The following SSX7 variants were observed in gnomAD, a reference collection of about 807,000 sequenced individuals.
SSX7 encodes the protein protein SSX7.
Under a neutral mutation model 14.7 loss-of-function variants are expected in SSX7, and 15 were observed. The ratio of observed to expected loss-of-function variants is 1.02; its 90% CI spans 0.68 to 1.58. The LOEUF is 1.58. Ranked by LOEUF, SSX7 falls within the 40% of genes most tolerant of loss-of-function variation. The probability of loss-of-function intolerance (pLI) is 0.00; values close to 1 mark genes in which losing one functional copy is unlikely to be tolerated. For synonymous variants in SSX7, 46 were observed against 50.6 expected (o/e 0.91, Z 0.38); for missense variants, 178 against 146.8 (o/e 1.21, Z -1.10).
chrX:52,654,093 T>C (rs1925523213), intron 1 of SSX7, among the ~76,000 whole-genome samples: 1 of 111,146 alleles, frequency 9.0e-6, no homozygotes, highest in South Asian at 3.8e-4. Flanking sequence ...TTAGAGAGAA[T>C]GTAGGGAGTT....
rs372836998 is a variant in SSX7, at chrX:52,648,443, A to G, written c.331-47T>C. 18 of 1,200,327 alleles carry G rather than the reference A, an allele frequency of 1.5e-5. No homozygotes were observed. In the African/African-American group the frequency reaches 2.5e-4, roughly 16 times the overall value. On this transcript the variant is annotated intron_variant, in intron 5 of 7. Coordinates refer to ENST00000298181, the MANE Select transcript of SSX7 (RefSeq NM_173358.2). ...GATAAACAGAATCAGTGACATTTCT[A>G]TAGTGCTTTAGAGCTTACAAAGCGT...
In SSX7 at chrX:52,644,499, T is replaced by C. The variant is rs1441806422; in HGVS notation, c.*176A>G. Reference sequence around the variant, plus strand: ...CTGTAAGAAAATACAATGGAAACACTAACATCGAACTCTTGTCACACTAAG... The same window carrying C: ...CTGTAAGAAAATACAATGGAAACACCAACATCGAACTCTTGTCACACTAAG... On this transcript the variant is annotated 3_prime_UTR_variant, in exon 8 of 8. Coordinates refer to ENST00000298181, the MANE Select transcript of SSX7 (RefSeq NM_173358.2). 13 of 726,630 alleles carry C rather than the reference T, an allele frequency of 1.8e-5. No individual in the cohort carries two copies. The highest frequency in any genetic ancestry group is 2.5e-5 in the Non-Finnish European group (12 of 489,346). The allele number at this position is 726,630 out of a possible 1,213,427, so 59.9% of individuals were successfully genotyped here. A position where few individuals can be genotyped will look rare whatever the true frequency, so the allele number is the denominator to read the frequency against.
At chrX:52,654,373 T>TTTG (rs1925538102) in intron 1 of SSX7, among the ~76,000 whole-genome samples, 1 of 91,492 alleles carries the variant, frequency 1.1e-5, no homozygotes, top group Admixed American at 1.2e-4. Flanking sequence ...AGTTTTTTTT[T>TTTG]TTTTTTTTTT....
At chrX:52,654,560 A>G (rs1925544583) in intron 1 of SSX7, among the ~76,000 whole-genome samples, 1 of 108,005 alleles carries the variant, frequency 9.3e-6, no homozygotes, top group Non-Finnish European at 1.9e-5. Context: ...TAGAGTTCCC[A>G]GGAAAAATCC....
intron 5 of SSX7, among the ~76,000 whole-genome samples, 153 bp from the exon 6 acceptor site, chrX:52,648,549 G>T (rs1321899292): frequency 2.8e-4 from 31 of 111,984 alleles, no homozygotes; most frequent in African/African-American, 9.1e-4. Flanking sequence ...AACCTGGGAA[G>T]TTAGACGGGA....
chrX:52,653,102 GACA>G, intron 2 of SSX7, 118 bp from the exon 3 acceptor site: 2 of 1,167,994 alleles, frequency 1.7e-6, no homozygotes, highest in Non-Finnish European at 2.3e-6. Context: ...ATGGCTAACC[GACA>G]ACATGAGCGA....
chrX:52,649,763 G>T (rs1261761152), intron 5 of SSX7, among the ~76,000 whole-genome samples: 3 of 112,553 alleles, frequency 2.7e-5, no homozygotes, highest in Admixed American at 9.4e-5. Flanking sequence ...GGAAGCACCA[G>T]CAGGCCCTAT....
chrX:52,653,111 A>G lies in SSX7; in HGVS notation c.70-127T>C. The G allele has an allele frequency of 1.7e-6, 2 of 1,169,870 alleles. 1 individual carries two copies. The highest frequency in any genetic ancestry group is 3.9e-5 in the South Asian group (2 of 51,107). On this transcript the variant is annotated intron_variant, in intron 2 of 7. Coordinates refer to ENST00000298181, the MANE Select transcript of SSX7 (RefSeq NM_173358.2). ...GATGCCATGGCTAACCGACAACATGAGCGACCTTTCCTAGCTTCACCCCTG... is the reference window on the plus strand; with the variant it reads ...GATGCCATGGCTAACCGACAACATGGGCGACCTTTCCTAGCTTCACCCCTG...
intron 1 of SSX7, among the ~76,000 whole-genome samples, chrX:52,654,364 G>GTTTTGTTTT (rs1556767485): frequency 4.9e-5 from 3 of 60,926 alleles, no homozygotes; most frequent in Non-Finnish European, 2.8e-5. Flanking sequence ...ATTTGAGTGA[G>GTTTTGTTTT]TTTTTTTTTT....
chrX:52,652,778 G>A, intron 3 of SSX7, 92 bp downstream of exon 3: 1 of 858,281 alleles, frequency 1.2e-6, no homozygotes, highest in Non-Finnish European at 1.7e-6. Context: ...AGGAAAATGT[G>A]GGGTACTTTC....
At chrX:52,654,301 C>T (rs1925531773) in intron 1 of SSX7, among the ~76,000 whole-genome samples, 1 of 109,392 alleles carries the variant, frequency 9.1e-6, no homozygotes, top group African/African-American at 3.3e-5. Context: ...GAGTGGTGTG[C>T]ACCTCTAGTC....
rs782562552 is a variant in SSX7 at position 52,650,396 on chromosome X, C to A, written c.287G>T (p.Arg96Leu). Residue 96 changes from arginine (R) to leucine (L), a missense_variant, in exon 5 of 8, where the codon CGT becomes CTT. Transcript: ENST00000298181. The stretch of plus-strand genomic sequence containing the variant: ...GAGCCTGCAAAAAGTCATCTGAGGA[C>A]GTTCAACTGAAAGAGAATATATCAG... ...NDRNQGNQVERPQMTFCRLQR... is the reference protein window; with the variant it reads ...NDRNQGNQVELPQMTFCRLQR... The A allele has an allele frequency of 8.3e-7, 1 of 1,209,260 alleles. No homozygotes were observed. The highest frequency in any genetic ancestry group is 3.0e-5 in the East Asian group (1 of 33,809).
intron 6 of SSX7, 55 bp downstream of exon 6, chrX:52,648,206 A>G: frequency 8.4e-7 from 1 of 1,189,316 alleles, no homozygotes. Context: ...CAGTCCACAC[A>G]CCTGAACATA....
chrX:52,654,257 AAC>A (rs782506103), intron 1 of SSX7, among the ~76,000 whole-genome samples: 31 of 106,625 alleles, frequency 2.9e-4, no homozygotes, highest in Middle Eastern at 4.7e-3. Flanking sequence ...ACAACAACAA[AAC>A]ACACACACAC....
intron 5 of SSX7, among the ~76,000 whole-genome samples, chrX:52,649,268 AT>A (rs1306274346): frequency 9.0e-6 from 1 of 111,099 alleles, no homozygotes; most frequent in East Asian, 2.8e-4. Flanking sequence ...TGACCTAGTG[AT>A]CCATCCACCT....
At position 52,652,266 on chromosome X, in the gene SSX7, T is replaced by A; in HGVS notation, c.266A>T (p.Asn89Ile). ...LQGNDFDNDR[N>I]QGNQVERPQM... ...CGTCTACTCACCCTGATTCCCTTGG[T>A]TACGGTCATTATCAAAATCATTCCC... Residue 89 changes from asparagine (N) to isoleucine (I), a missense_variant, in exon 4 of 8, where the codon AAC (asparagine) becomes ATC (isoleucine). Asn to Ile is a moderately radical substitution (Grantham distance 149, BLOSUM62 -3). Coordinates refer to ENST00000298181, the MANE Select transcript of SSX7 (RefSeq NM_173358.2). 1 of 1,206,397 alleles carries A rather than the reference T, an allele frequency of 8.3e-7. No homozygotes were observed.
chrX:52,647,971 A>G (rs1171744767), intron 6 of SSX7, among the ~76,000 whole-genome samples: 1 of 112,110 alleles, frequency 8.9e-6, no homozygotes, highest in Non-Finnish European at 1.9e-5. Context: ...ATTAAATTTA[A>G]TGTCTCCAAA....
chrX:52,647,953 C>A (rs1297283484), intron 6 of SSX7, among the ~76,000 whole-genome samples: 5 of 111,893 alleles, frequency 4.5e-5, no homozygotes, highest in Non-Finnish European at 7.5e-5. Context: ...TGTCATCAGG[C>A]CTTCTAGATT....
intron 4 of SSX7, among the ~76,000 whole-genome samples, chrX:52,651,646 A>G (rs1171394452): frequency 9.0e-6 from 1 of 111,341 alleles, no homozygotes; most frequent in Non-Finnish European, 1.9e-5. Flanking sequence ...AGGCTGAGGC[A>G]GGTGGATCAC....
Sources: allele counts gnomAD v4.1 joint callset (sites outside exome capture counted in the v4.1 genomes callset), GRCh38; gene constraint gnomAD v4.1.1; transcripts MANE v1.5; gene names NCBI Gene and HGNC (gene_info 2026-07-23, HGNC 2026-07-21).